Variants in TMC4 observed in about 807,000 individuals in gnomAD.
The protein encoded by TMC4 is transmembrane channel like 4.
TMC4 carries 70 observed loss-of-function variants against 82.0 expected under a neutral mutation model. The observed-to-expected ratio is 0.85, with a 90% CI of 0.70 to 1.04. The LOEUF (loss-of-function observed/expected upper bound fraction) is 1.04. Among genes scored for constraint, TMC4 ranks in the 50% least tolerant of loss-of-function variants. The probability of loss-of-function intolerance (pLI) is 0.00; values close to 1 mark genes in which losing one functional copy is unlikely to be tolerated. For missense variants in TMC4, 879 were observed against 899.0 expected, an observed-to-expected ratio of 0.98 and a Z score of 0.28; for synonymous variants, 446 against 406.0, an observed-to-expected ratio of 1.10 and a Z score of -1.18.
intron 7 of TMC4, 105 bp from the exon 8 acceptor site, chr19:54,163,992 T>TC: frequency 1.7e-6 from 2 of 1,211,648 alleles, no homozygotes; most frequent in East Asian, 2.5e-5. Context: ...TTTTTTTTTT[T>TC]GAGACAGAGT....
chr19:54,168,802 CTTTTCTTTTCT>C lies in TMC4; in HGVS notation c.443-133_443-123del, dbSNP rs2075778892. 4.6e-4 allele frequency: 15 copies of C among 32,952 alleles called. 4 individuals carry two copies. The highest frequency in any genetic ancestry group is 3.4e-3 in the East Asian group (3 of 880). The allele number at this position is 32,952 out of a possible 1,614,324, so 2.0% of individuals were successfully genotyped here. ...TTCTTTCTTTTCTTTTCTTTCTTTT[CTTTTCTTTTCT>C]TTTCTTTTCTTTTCTTTTCTTTTCT... On this transcript the variant is annotated intron_variant, in intron 3 of 14. Transcript: ENST00000619895.
intron 6 of TMC4, 64 bp downstream of exon 6, chr19:54,165,355 G>C: frequency 6.7e-7 from 1 of 1,496,028 alleles, no homozygotes; most frequent in Non-Finnish European, 9.0e-7. Context: ...TAGGCCCTGT[G>C]CGTTATCTCA....
At chr19:54,162,079 C>T (rs760989445) in intron 11 of TMC4, 23 bp downstream of exon 11, 5 of 1,588,938 alleles carry the variant, frequency 3.1e-6, no homozygotes, top group Non-Finnish European at 2.6e-6. Flanking sequence ...GCCTCAGACC[C>T]AAGGGTCCCC....
In TMC4 at chr19:54,160,112, C is replaced by G. The variant is rs1259775728; in HGVS notation, c.*194G>C. Reference sequence around the variant, plus strand: ...GACGCAGATTTCAAAGCGCGCTCAGCAACCTCGGCTGTATTTATTGATACA... The same window carrying G: ...GACGCAGATTTCAAAGCGCGCTCAGGAACCTCGGCTGTATTTATTGATACA... On this transcript the variant is annotated 3_prime_UTR_variant, in exon 15 of 15. Coordinates refer to ENST00000619895, the MANE Select transcript of TMC4 (RefSeq NM_144686.4). The G allele has an allele frequency of 2.1e-5, 12 of 575,756 alleles. No individual in the cohort carries two copies. The highest frequency in any genetic ancestry group is 3.8e-5 in the African/African-American group (2 of 52,306). The allele number at this position is 575,756 out of a possible 1,614,324, so 35.7% of individuals were successfully genotyped here. A position where few individuals can be genotyped will look rare whatever the true frequency, so the allele number is the denominator to read the frequency against.
At chr19:54,166,964 A>G (rs1180473747) in intron 5 of TMC4, among the ~76,000 whole-genome samples, 1 of 151,916 alleles carries the variant, frequency 6.6e-6, no homozygotes, top group Non-Finnish European at 1.5e-5. Flanking sequence ...AAAAAAAAAA[A>G]AAGTTGACTT....
In TMC4 at chr19:54,161,183, G is replaced by T. The variant is rs779681932; in HGVS notation, c.1764C>A (p.Val588=). Reference sequence around the variant, plus strand: ...TGGAGATGGCCAGACCCAGGAGAAGGACCAAGGGGAAAAAGAAATTCGCCG... The same window carrying T: ...TGGAGATGGCCAGACCCAGGAGAAGTACCAAGGGGAAAAAGAAATTCGCCG... ...ASAANFFFPL[V]LLLGLAISSV... Residue 588 remains valine, a synonymous_variant, in exon 12 of 15, where the codon GTC becomes GTA. Coordinates refer to ENST00000619895, the MANE Select transcript of TMC4 (RefSeq NM_144686.4). The T allele has an allele frequency of 5.6e-6, 9 of 1,593,272 alleles. No individual in the cohort carries two copies. In the East Asian group the frequency reaches 2.0e-4, roughly 36 times the overall value.
rs1298421170 is a variant in TMC4, at chr19:54,168,223, G to A, written c.745C>T (p.Leu249=). ...PPRPRLAVTY[L]CWAFAVGLIC... ...AGGCCAACGGCAAAGGCCCAGCACA[G>A]GTAGGTGACCGCCAGGCGTGGGCGG... Residue 249 remains leucine (L), a synonymous_variant, in exon 5 of 15, where the codon CTG becomes TTG. Coordinates refer to ENST00000619895, the MANE Select transcript of TMC4 (RefSeq NM_144686.4). The A allele has an allele frequency of 5.0e-6, 8 of 1,591,818 alleles. No individual in the cohort carries two copies. Among genetic ancestry groups the A allele is most frequent in the Non-Finnish European group, 6.0e-6 (7 of 1,168,834 alleles).
At chr19:54,168,418 G>T (rs1399221601) in intron 4 of TMC4, 30 bp downstream of exon 4, 17 of 1,524,842 alleles carry the variant, frequency 1.1e-5, no homozygotes, top group Non-Finnish European at 1.5e-5. Context: ...ACAGGTGGGC[G>T]GGGAATCCCC....
rs2075498587 is a variant in TMC4 at position 54,160,115 on chromosome 19, C to G, written c.*191G>C. On this transcript the variant is annotated 3_prime_UTR_variant, in exon 15 of 15. Coordinates refer to ENST00000619895, the MANE Select transcript of TMC4 (RefSeq NM_144686.4). ...GCAGATTTCAAAGCGCGCTCAGCAACCTCGGCTGTATTTATTGATACAAGG... is the reference window on the plus strand; with the variant it reads ...GCAGATTTCAAAGCGCGCTCAGCAAGCTCGGCTGTATTTATTGATACAAGG... 1.7e-6 allele frequency: 1 copy of G among 590,162 alleles called. No homozygotes were observed. Among genetic ancestry groups the G allele is most frequent in the South Asian group, 3.8e-5 (1 of 26,490 alleles). 36.6% of individuals were successfully genotyped at this position (590,162 alleles called of 1,614,324 possible).
chr19:54,164,533 A>C lies in TMC4; in HGVS notation c.1014T>G (p.Val338=), dbSNP rs201904060. Reference sequence around the variant, plus strand: ...GGTTGAGCAGCACCCGCACCAACCAAACCCTGGCTTGCTGGCCCAGCGTCC... The same window carrying C: ...GGTTGAGCAGCACCCGCACCAACCACACCCTGGCTTGCTGGCCCAGCGTCC... ...AVRTLGQQAR[V]WLVRVLLNLL... is the part of the protein sequence containing the mutation. Residue 338 remains valine, a synonymous_variant, in exon 7 of 15, where the codon GTT becomes GTG. Coordinates refer to ENST00000619895, the MANE Select transcript of TMC4 (RefSeq NM_144686.4). 6 of 1,613,698 alleles carry C rather than the reference A, an allele frequency of 3.7e-6. No homozygotes were observed. Among genetic ancestry groups the C allele is most frequent in the Non-Finnish European group, 5.1e-6 (6 of 1,179,990 alleles).
intron 2 of TMC4, among the ~76,000 whole-genome samples, chr19:54,170,971 G>C (rs1248760153): frequency 6.6e-6 from 1 of 151,924 alleles, no homozygotes; most frequent in Admixed American, 6.6e-5. Context: ...CCGCAGTATA[G>C]TGGCTATATT....
At chr19:54,164,938 G>A (rs1272680555) in intron 6 of TMC4, among the ~76,000 whole-genome samples, 2 of 152,094 alleles carry the variant, frequency 1.3e-5, no homozygotes, top group East Asian at 1.9e-4. Context: ...AGGTGGCCCT[G>A]CGCTTTATTC....
At chr19:54,171,790 G>A in intron 2 of TMC4, 80 bp downstream of exon 2, 2 of 1,337,938 alleles carry the variant, frequency 1.5e-6, no homozygotes, top group Non-Finnish European at 2.0e-6. Context: ...GCAGAGGACA[G>A]AGGGAGGAGA....
chr19:54,172,638 G>C (rs2075935971), intron 1 of TMC4: 2 of 281,904 alleles, frequency 7.1e-6, no homozygotes, highest in Non-Finnish European at 1.3e-5. Context: ...CAGGAGTCCG[G>C]GTGCCAGCCT....
rs752800245 is a variant in TMC4, at chr19:54,161,256, G to A, written c.1691C>T (p.Thr564Ile). 6.5e-7 allele frequency: 1 copy of A among 1,532,730 alleles called. No homozygotes were observed. The highest frequency in any genetic ancestry group is 1.3e-5 in the South Asian group (1 of 79,192). The allele number at this position is 1,532,730 out of a possible 1,614,324, so 94.9% of individuals were successfully genotyped here. ...AGCCGGGGAGCAGGTGGAGAAGAGG[G>A]TAAGCTGGTGGGGGAAGGCACGGAG... The part of the protein sequence containing the change: ...FLLLFYLKKL[T>I]LFSTCSPAAR... The change falls in exon 12 of 15, where the codon ACC (threonine) becomes ATC (isoleucine). Residue 564 changes from threonine to isoleucine, a missense_variant. Thr to Ile is a moderately conservative substitution (Grantham distance 89). Coordinates refer to ENST00000619895, the MANE Select transcript of TMC4 (RefSeq NM_144686.4).
chr19:54,162,888 C>A, intron 9 of TMC4, 118 bp from the exon 10 acceptor site: 1 of 1,529,052 alleles, frequency 6.5e-7, no homozygotes, highest in South Asian at 1.2e-5. Flanking sequence ...TCTGGGGGTC[C>A]TCGTTTTTCA....
Position 54,163,032 on chromosome 19 carries a change from C to T in TMC4, c.1404+1G>A. On this transcript the variant is annotated splice_donor_variant, in intron 9 of 14. Transcript: ENST00000619895. LOFTEE classifies it high-confidence loss of function. ...CCCACGCACACCCATGCCGTTCTCA[C>T]CGGAAGTTGTTTGTAATTGTAGCCA... is the stretch of plus-strand genomic sequence containing the variant. 1.2e-6 allele frequency: 2 copies of T among 1,614,174 alleles called. No homozygotes were observed. The highest frequency in any genetic ancestry group is 3.3e-5 in the Admixed American group (2 of 60,016).
At chr19:54,168,020 G>A (rs1301842708) in intron 5 of TMC4, 151 bp downstream of exon 5, 11 of 933,892 alleles carry the variant, frequency 1.2e-5, no homozygotes, top group Non-Finnish European at 1.7e-5. Flanking sequence ...CCGAGATTGC[G>A]CCACTACACT....
chr19:54,165,946 A>G (rs2075692333), intron 5 of TMC4, among the ~76,000 whole-genome samples: 2 of 152,144 alleles, frequency 1.3e-5, no homozygotes, highest in African/African-American at 4.8e-5. Flanking sequence ...AGAAAAAGAC[A>G]GTGAGAAAGG....
Sources: allele counts gnomAD v4.1 joint callset (sites outside exome capture counted in the v4.1 genomes callset), GRCh38; gene constraint gnomAD v4.1.1; transcripts MANE v1.5; gene names NCBI Gene and HGNC (gene_info 2026-07-23, HGNC 2026-07-21).